NOMO2: variants seen among roughly 807,000 people sequenced by gnomAD.
The protein encoded by NOMO2 is BOS complex subunit NOMO2.
In NOMO2, 14 loss-of-function variants were observed where a neutral mutation model predicts 67.1. That is an observed-to-expected ratio of 0.21 (90% CI 0.14 to 0.33). The LOEUF (loss-of-function observed/expected upper bound fraction) is 0.33, where lower values mean the gene tolerates loss of function less well. Ranked by LOEUF, NOMO2 falls within the 10% of genes least tolerant of loss-of-function variation. The pLI is 1.00. For synonymous variants in NOMO2, 80 were observed against 305.9 expected (o/e 0.26, Z 7.71); for missense variants, 178 against 761.0 (o/e 0.23, Z 9.01).
At chr16:18,529,270 G>A in intron 15 of NOMO2, 3 of 625,204 alleles carry the variant, frequency 4.8e-6, no homozygotes, top group South Asian at 1.9e-5. Context: ...CGAATCACCA[G>A]TCAGATTTAG....
chr16:18,555,257 C>T (rs900008749), intron 2 of NOMO2, among the ~76,000 whole-genome samples: 17 of 151,844 alleles, frequency 1.1e-4, no homozygotes, highest in Non-Finnish European at 1.9e-4. Flanking sequence ...TGGCCAGGCA[C>T]AGTACCTCAC....
intron 14 of NOMO2, among the ~76,000 whole-genome samples, chr16:18,529,932 A>G (rs1417738943): frequency 2.0e-5 from 3 of 150,414 alleles, no homozygotes; most frequent in Non-Finnish European, 4.4e-5. Flanking sequence ...TCTGACCAAC[A>G]TAGCAAAACC....
At chr16:18,557,857 A>G in intron 1 of NOMO2, 66 bp from the exon 2 acceptor site, 1 of 1,584,284 alleles carries the variant, frequency 6.3e-7, no homozygotes, top group South Asian at 1.1e-5. Flanking sequence ...CACATGTTAC[A>G]CCTGAATGCA....
intron 16 of NOMO2, among the ~76,000 whole-genome samples, chr16:18,525,240 A>C (rs1447558506): frequency 1.9e-4 from 29 of 151,152 alleles, no homozygotes; most frequent in Admixed American, 3.9e-4. Flanking sequence ...AAAAAAAATC[A>C]GGTTTCTCTG....
chr16:18,529,888 G>A (rs1231470421), intron 14 of NOMO2, among the ~76,000 whole-genome samples: 1 of 151,400 alleles, frequency 6.6e-6, no homozygotes, highest in African/African-American at 2.4e-5. Flanking sequence ...GCTGACGGCA[G>A]TTGGATGGCT....
chr16:18,525,056 G>A (rs1251311444), intron 16 of NOMO2, among the ~76,000 whole-genome samples: 1 of 148,158 alleles, frequency 6.7e-6, no homozygotes, highest in East Asian at 2.0e-4. Flanking sequence ...TTCATCACTT[G>A]CCAGAGGAAC....
At chr16:18,525,144 T>C (rs1901117029) in intron 16 of NOMO2, among the ~76,000 whole-genome samples, 1 of 149,376 alleles carries the variant, frequency 6.7e-6, no homozygotes, top group East Asian at 2.0e-4. Flanking sequence ...TTGGCCACAC[T>C]TCCTACAAAA....
At position 18,556,912 on chromosome 16, in the gene NOMO2, G is replaced by A. The variant is rs559383339; in HGVS notation, c.255+790C>T. ...AGGCTGAGGCAGGTGGTTCACTTGA[G>A]GTCAGGAGTTCGAGACCAGCCTGGC... On this transcript the variant is annotated intron_variant, in intron 2 of 30. Coordinates refer to ENST00000622306, the MANE Select transcript of NOMO2 (RefSeq NM_173614.4). Among the ~76,000 whole-genome samples the A allele has an allele frequency of 6.6e-4, 100 of 152,112 alleles. 2 individuals carry two copies. The highest frequency in any genetic ancestry group is 3.4e-3 in the Middle Eastern group (1 of 294).
intron 11 of NOMO2, among the ~76,000 whole-genome samples, chr16:18,535,852 A>G (rs1398143024): frequency 1.3e-5 from 2 of 151,802 alleles, no homozygotes; most frequent in Non-Finnish European, 1.5e-5. Flanking sequence ...GCTGGAGTGC[A>G]ATGGTGCAAT....
At chr16:18,525,144 T>A (rs1901117029) in intron 16 of NOMO2, among the ~76,000 whole-genome samples, 1 of 149,278 alleles carries the variant, frequency 6.7e-6, no homozygotes, top group Non-Finnish European at 1.5e-5. Context: ...TTGGCCACAC[T>A]TCCTACAAAA....
intron 1 of NOMO2, among the ~76,000 whole-genome samples, chr16:18,560,030 G>A (rs1359678431): frequency 6.6e-6 from 1 of 151,728 alleles, no homozygotes; most frequent in African/African-American, 2.4e-5. Flanking sequence ...CAATGAACAC[G>A]ATGTAAAAAC....
rs1450240777 is a variant in NOMO2 at position 18,542,542 on chromosome 16, CTG to C, written c.873+50_873+51del. 1.7e-4 allele frequency: 143 copies of C among 826,202 alleles called. 1 individual carries two copies. Among genetic ancestry groups the C allele is most frequent in the Admixed American group, 2.5e-4 (11 of 43,228 alleles). 51.2% of individuals were successfully genotyped at this position (826,202 alleles called of 1,614,324 possible). ...AACACCCAAACAGCATTGGCTTTTA[CTG>C]TGTCATGAGAGTCCCAGACATAAAC... On this transcript the variant is annotated intron_variant, in intron 8 of 30. Coordinates refer to ENST00000622306, the MANE Select transcript of NOMO2 (RefSeq NM_173614.4).
In NOMO2 at chr16:18,533,168, C is replaced by G; in HGVS notation, c.1232G>C (p.Cys411Ser). Residue 411 changes from cysteine to serine, a missense_variant, in exon 12 of 31, where the codon TGT becomes TCT. Coordinates refer to ENST00000622306, the MANE Select transcript of NOMO2 (RefSeq NM_173614.4). ...GAAGCGAATGATTGATATCCGACCA[C>G]AGACACTGAACCTGCAAAGAGAAGA... is the stretch of plus-strand genomic sequence containing the variant. The part of the protein sequence containing the change: ...ADIVATGFSV[C>S]GRISIIRFPD... The G allele has an allele frequency of 6.2e-7, 1 of 1,611,468 alleles. No individual in the cohort carries two copies. Among genetic ancestry groups the G allele is most frequent in the South Asian group, 1.1e-5 (1 of 90,916 alleles).
At chr16:18,561,191 A>G (rs1279066886) in intron 1 of NOMO2, among the ~76,000 whole-genome samples, 1 of 141,130 alleles carries the variant, frequency 7.1e-6, no homozygotes, top group African/African-American at 2.6e-5. Flanking sequence ...AAAAAAAAAA[A>G]AAAAAAAAAA....
intron 6 of NOMO2, among the ~76,000 whole-genome samples, chr16:18,544,863 C>T (rs563882961): frequency 0.019 from 2,803 of 150,050 alleles, 1 homozygote; most frequent in African/African-American, 0.066. Flanking sequence ...ACAAATTGGG[C>T]ACTGGTTACC....
At chr16:18,528,490 C>T (rs1901201406) in intron 15 of NOMO2, among the ~76,000 whole-genome samples, 2 of 151,888 alleles carry the variant, frequency 1.3e-5, no homozygotes, top group Admixed American at 1.3e-4. Context: ...AAACTAAGAC[C>T]TGACGATGAC....
intron 2 of NOMO2, among the ~76,000 whole-genome samples, chr16:18,555,655 C>A (rs1341407278): frequency 4.0e-5 from 6 of 149,020 alleles, no homozygotes; most frequent in African/African-American, 7.4e-5. Flanking sequence ...GTTGCCCAGG[C>A]TGGAGTGAAG....
chr16:18,541,652 G>A (rs1415996525), intron 9 of NOMO2, among the ~76,000 whole-genome samples: 2 of 136,514 alleles, frequency 1.5e-5, no homozygotes, highest in Non-Finnish European at 3.2e-5. Flanking sequence ...GAACAGCCTG[G>A]GCAACATGGT....
At chr16:18,560,695 C>T (rs1414286857) in intron 1 of NOMO2, among the ~76,000 whole-genome samples, 4 of 151,828 alleles carry the variant, frequency 2.6e-5, no homozygotes, top group South Asian at 2.1e-4. Context: ...CTGGGTTCCA[C>T]TGTTTCTCTC....
Sources: allele counts gnomAD v4.1 joint callset (sites outside exome capture counted in the v4.1 genomes callset), GRCh38; gene constraint gnomAD v4.1.1; transcripts MANE v1.5; gene names NCBI Gene and HGNC (gene_info 2026-07-23, HGNC 2026-07-21).